The following WHRN variants were observed in gnomAD, a reference collection of about 807,000 sequenced individuals.
WHRN encodes the protein CASK-interacting protein CIP98.
In WHRN, 41 loss-of-function variants were observed where a neutral mutation model predicts 68.3. The observed-to-expected ratio is 0.60, with a 90% CI of 0.47 to 0.78. WHRN has a LOEUF of 0.78. Among genes scored for constraint, WHRN ranks in the 30% least tolerant of loss-of-function variants. The pLI is 0.00. For synonymous variants in WHRN, 560 were observed against 561.3 expected (o/e 1.00, Z 0.03); for missense variants, 1,243 against 1,244.7 (o/e 1.00, Z 0.02).
chr9:114,450,408 G>A (rs1382464209), intron 3 of WHRN, among the ~76,000 whole-genome samples: 1 of 152,098 alleles, frequency 6.6e-6, no homozygotes, highest in East Asian at 1.9e-4. Context: ...AGCCTGGGAG[G>A]AAGGCCCCAC....
Position 114,444,030 on chromosome 9 carries a change from C to A in WHRN, c.964-17617G>T, listed in dbSNP as rs879397718. ...ACGAGAGCAGTATGGGGTTTCCCCC[C>A]ACCACCCGGTTCAATTATCTCCCAC... is the stretch of plus-strand genomic sequence containing the variant. On this transcript the variant is annotated intron_variant, in intron 3 of 11. Transcript: ENST00000362057. 1.5e-4 allele frequency among the ~76,000 whole-genome samples: 23 copies of A among 152,164 alleles called. 1 individual carries two copies. Among genetic ancestry groups the A allele is most frequent in the African/African-American group, 2.4e-4 (10 of 41,424 alleles).
chr9:114,482,461 C>A (rs1842165220), intron 1 of WHRN, among the ~76,000 whole-genome samples: 1 of 152,144 alleles, frequency 6.6e-6, no homozygotes, highest in Non-Finnish European at 1.5e-5. Flanking sequence ...AGTCCTTGGG[C>A]CGGTTGCTTC....
chr9:114,421,825 C>T (rs1458242873), intron 7 of WHRN, among the ~76,000 whole-genome samples: 5 of 152,212 alleles, frequency 3.3e-5, no homozygotes, highest in African/African-American at 1.2e-4. Flanking sequence ...GAACATGGAA[C>T]TGCCTCTGCT....
At chr9:114,466,507 G>C in intron 2 of WHRN, 115 bp from the exon 3 acceptor site, 2 of 1,479,796 alleles carry the variant, frequency 1.4e-6, no homozygotes, top group Non-Finnish European at 1.9e-6. Context: ...CGACTGGCAA[G>C]GAGGCCCAGG....
intron 5 of WHRN, 128 bp from the exon 6 acceptor site, chr9:114,424,674 C>T: frequency 9.3e-7 from 1 of 1,069,702 alleles, no homozygotes; most frequent in South Asian, 1.4e-5. Flanking sequence ...CCCTCATAAC[C>T]CCCAGCACCT....
intron 7 of WHRN, among the ~76,000 whole-genome samples, chr9:114,419,173 C>T (rs921905687): frequency 2.6e-5 from 4 of 152,176 alleles, no homozygotes; most frequent in Non-Finnish European, 1.5e-5. Context: ...ATCCTGGCTC[C>T]ATCACTCACT....
intron 1 of WHRN, among the ~76,000 whole-genome samples, chr9:114,490,572 T>TTCTTTA (rs1357611085): frequency 4.0e-5 from 6 of 151,224 alleles, no homozygotes; most frequent in East Asian, 2.0e-4. Flanking sequence ...CCACCCTCTT[T>TTCTTTA]TAAGAGTTTG....
chr9:114,486,368 T>C (rs1424980977), intron 1 of WHRN, among the ~76,000 whole-genome samples: 2 of 152,254 alleles, frequency 1.3e-5, no homozygotes, highest in Admixed American at 6.5e-5. Flanking sequence ...GTGATTGTGC[T>C]GCCGTCTATA....
intron 3 of WHRN, among the ~76,000 whole-genome samples, chr9:114,457,914 C>CAAAAA (rs11292103): frequency 2.4e-5 from 3 of 123,428 alleles, no homozygotes; most frequent in African/African-American, 9.3e-5. Context: ...AGACTCTGTT[C>CAAAAA]AAAAAAAAAA....
At chr9:114,425,895 A>C in intron 4 of WHRN, 14 of 410,100 alleles carry the variant, frequency 3.4e-5, no homozygotes, top group East Asian at 1.1e-4. Flanking sequence ...TTTCATCTGC[A>C]CAGATCTGGG....
intron 1 of WHRN, among the ~76,000 whole-genome samples, chr9:114,497,239 T>G (rs1431751326): frequency 1.3e-5 from 2 of 152,138 alleles, no homozygotes; most frequent in East Asian, 3.9e-4. Flanking sequence ...GTTGAGAGGA[T>G]GCTGATATTA....
chr9:114,445,759 T>C (rs1393143288), intron 3 of WHRN, among the ~76,000 whole-genome samples: 1 of 152,170 alleles, frequency 6.6e-6, no homozygotes, highest in Non-Finnish European at 1.5e-5. Flanking sequence ...AAATCATTTC[T>C]GCCCCACACT....
chr9:114,483,564 G>A (rs1368902476), intron 1 of WHRN, among the ~76,000 whole-genome samples: 2 of 152,118 alleles, frequency 1.3e-5, no homozygotes, highest in Non-Finnish European at 2.9e-5. Flanking sequence ...GGGGGATCGC[G>A]AGATCCTCAC....
intron 1 of WHRN, among the ~76,000 whole-genome samples, chr9:114,501,303 T>C (rs981103798): frequency 7.2e-5 from 11 of 152,332 alleles, no homozygotes; most frequent in East Asian, 3.9e-4. Context: ...AAATAGTCCA[T>C]GGCTTACCTT....
intron 1 of WHRN, among the ~76,000 whole-genome samples, chr9:114,487,618 CT>C (rs1253182078): frequency 6.6e-6 from 1 of 152,180 alleles, no homozygotes; most frequent in Non-Finnish European, 1.5e-5. Flanking sequence ...TATGTGCCAT[CT>C]TGGGGCATTC....
intron 1 of WHRN, among the ~76,000 whole-genome samples, chr9:114,484,902 A>G (rs992344873): frequency 1.3e-5 from 2 of 152,166 alleles, no homozygotes; most frequent in Non-Finnish European, 2.9e-5. Flanking sequence ...TCTGCTTAGC[A>G]GAGGAGTGAG....
At chr9:114,474,727 T>C (rs1351135124) in intron 2 of WHRN, among the ~76,000 whole-genome samples, 1 of 152,200 alleles carries the variant, frequency 6.6e-6, no homozygotes, top group African/African-American at 2.4e-5. Context: ...ATGTATCACA[T>C]TTATACCTCA....
chr9:114,503,033 G>C, intron 1 of WHRN: 1 of 717,566 alleles, frequency 1.4e-6, no homozygotes, highest in Non-Finnish European at 1.7e-6. Context: ...TCCTCCAAAG[G>C]GGTTGATGGG....
chr9:114,486,014 A>G (rs1842447460), intron 1 of WHRN, among the ~76,000 whole-genome samples: 1 of 152,166 alleles, frequency 6.6e-6, no homozygotes, highest in African/African-American at 2.4e-5. Flanking sequence ...ATTCTGTCTC[A>G]AAATAATAAT....
Sources: gnomAD v4.1 joint callset for allele counts (sites outside exome capture counted in the v4.1 genomes callset) on GRCh38, gnomAD v4.1.1 for gene constraint, MANE v1.5 for transcripts, NCBI Gene and HGNC (gene_info 2026-07-23, HGNC 2026-07-21) for gene names.